The following NCALD variants were observed in gnomAD, a reference collection of about 807,000 sequenced individuals.
NCALD encodes the protein neurocalcin-delta.
Under a neutral mutation model 18.6 loss-of-function variants are expected in NCALD, and 10 were observed. That is an observed-to-expected ratio of 0.54 (90% CI 0.33 to 0.91). The LOEUF is 0.91. Ranked by LOEUF, NCALD falls within the 40% of genes least tolerant of loss-of-function variation. The pLI, the probability that NCALD is intolerant of heterozygous loss-of-function variation, is 0.03. For synonymous variants in NCALD, 88 were observed against 87.4 expected (o/e 1.01, Z -0.04); for missense variants, 184 against 247.6 (o/e 0.74, Z 1.72).
chr8:101,827,742 A>C (rs1196688404), intron 4 of NCALD, among the ~76,000 whole-genome samples: 1 of 152,248 alleles, frequency 6.6e-6, no homozygotes, highest in Non-Finnish European at 1.5e-5. Context: ...TTTCCTTAAA[A>C]TTAGTCTCTA....
At position 101,688,894 on chromosome 8, in the gene NCALD, C is replaced by T. The variant is rs567946139; in HGVS notation, c.*415G>A. On this transcript the variant is annotated 3_prime_UTR_variant, in exon 4 of 4. Coordinates refer to ENST00000220931, the MANE Select transcript of NCALD (RefSeq NM_032041.3). ...GGTGCCATCCATCACCCCTACGGCA[C>T]GTGTGACAACAGATTCAGGTGGGGA... is the stretch of plus-strand genomic sequence containing the variant. The T allele has an allele frequency of 2.9e-5, 18 of 624,738 alleles. No individual in the cohort carries two copies. The highest frequency in any genetic ancestry group is 2.0e-4 in the African/African-American group (11 of 54,616). 38.7% of individuals were successfully genotyped at this position (624,738 alleles called of 1,614,324 possible). A position where few individuals can be genotyped will look rare whatever the true frequency, so the allele number is the denominator to read the frequency against.
chr8:101,782,569 T>TCC (rs1812059204), intron 1 of NCALD, among the ~76,000 whole-genome samples: 1 of 152,192 alleles, frequency 6.6e-6, no homozygotes, highest in Admixed American at 6.6e-5. Context: ...GGACCCACCA[T>TCC]ATAGATTATA....
intron 2 of NCALD, among the ~76,000 whole-genome samples, chr8:101,973,939 T>C (rs779758915): frequency 6.6e-6 from 1 of 152,202 alleles, no homozygotes; most frequent in Non-Finnish European, 1.5e-5. Context: ...ATCAAATGCT[T>C]TTCCTTCTCT....
intron 1 of NCALD, among the ~76,000 whole-genome samples, chr8:102,082,236 T>TTTTTTTTG (rs1824570539): frequency 7.3e-6 from 1 of 136,848 alleles, no homozygotes; most frequent in Non-Finnish European, 1.5e-5. Context: ...CTTTTTTTTT[T>TTTTTTTTG]TTTTTTTTTT....
At chr8:101,952,533 G>A (rs558404883) in intron 2 of NCALD, among the ~76,000 whole-genome samples, 9 of 152,234 alleles carry the variant, frequency 5.9e-5, no homozygotes, top group Non-Finnish European at 1.2e-4. Flanking sequence ...ATCATTTCCA[G>A]TGTTGACACC....
chr8:101,909,806 G>GC (rs953596607), intron 3 of NCALD, among the ~76,000 whole-genome samples: 35 of 150,610 alleles, frequency 2.3e-4, no homozygotes, highest in African/African-American at 7.2e-4. Context: ...TTAATGTAAC[G>GC]CCCCTTAAGG....
intron 1 of NCALD, among the ~76,000 whole-genome samples, chr8:101,765,511 A>T (rs993377391): frequency 6.6e-6 from 1 of 152,216 alleles, no homozygotes; most frequent in African/African-American, 2.4e-5. Flanking sequence ...TTTAAAAAAC[A>T]TGCATAATTA....
At chr8:101,813,411 A>G (rs540677802) in intron 4 of NCALD, among the ~76,000 whole-genome samples, 2 of 152,234 alleles carry the variant, frequency 1.3e-5, no homozygotes, top group East Asian at 1.9e-4. Flanking sequence ...CTGGGCAAAC[A>G]TGGGACAGCT....
chr8:101,731,471 CCT>C (rs1315404850), intron 1 of NCALD, among the ~76,000 whole-genome samples: 1 of 152,096 alleles, frequency 6.6e-6, no homozygotes, highest in African/African-American at 2.4e-5. Context: ...TTACATACCC[CCT>C]AAGATGAGAA....
At chr8:101,957,397 G>A (rs1309612591) in intron 2 of NCALD, among the ~76,000 whole-genome samples, 9 of 147,140 alleles carry the variant, frequency 6.1e-5, no homozygotes, top group Non-Finnish European at 1.0e-4. Flanking sequence ...ATAATACCCA[G>A]GAAATCAAAT....
At chr8:101,814,696 C>T (rs565017608) in intron 4 of NCALD, among the ~76,000 whole-genome samples, 1 of 152,100 alleles carries the variant, frequency 6.6e-6, no homozygotes, top group East Asian at 1.9e-4. Flanking sequence ...GTGACATGAT[C>T]ATCTAGGTAG....
intron 3 of NCALD, among the ~76,000 whole-genome samples, chr8:101,902,091 C>T (rs1049331508): frequency 5.3e-5 from 8 of 152,126 alleles, no homozygotes; most frequent in African/African-American, 1.7e-4. Context: ...ACACCCACTA[C>T]ATTCTTTTCT....
Position 102,103,157 on chromosome 8 carries a change from C to T in NCALD, c.-210+21080G>A, listed in dbSNP as rs540665014. Reference sequence around the variant, plus strand: ...AGGAACCTTGGTGGACTCAGCTCCACGCCAACCTCCCAGCTGTCCCCGTGC... The same window carrying T: ...AGGAACCTTGGTGGACTCAGCTCCATGCCAACCTCCCAGCTGTCCCCGTGC... On this transcript the variant is annotated intron_variant, in intron 1 of 6. Transcript: ENST00000311028. Among the ~76,000 whole-genome samples the T allele has an allele frequency of 4.1e-4, 63 of 152,240 alleles. 1 individual carries two copies. The highest frequency in any genetic ancestry group is 8.1e-4 in the Non-Finnish European group (55 of 68,012).
intron 4 of NCALD, chr8:101,847,325 A>G: frequency 4.0e-6 from 1 of 253,038 alleles, no homozygotes. Context: ...ACGCACATGA[A>G]CACCCAATTA....
intron 1 of NCALD, among the ~76,000 whole-genome samples, chr8:101,731,386 A>G (rs920133446): frequency 2.0e-5 from 3 of 152,048 alleles, no homozygotes; most frequent in Admixed American, 2.0e-4. Flanking sequence ...GACATGAAGA[A>G]CCTCTTTGCA....
intron 1 of NCALD, among the ~76,000 whole-genome samples, chr8:101,779,041 G>A (rs1483885737): frequency 6.6e-6 from 1 of 152,140 alleles, no homozygotes; most frequent in Non-Finnish European, 1.5e-5. Context: ...TGCTTTCCAG[G>A]TTGCTAGAAG....
At chr8:101,906,532 G>T (rs930373008) in intron 3 of NCALD, among the ~76,000 whole-genome samples, 2 of 152,212 alleles carry the variant, frequency 1.3e-5, no homozygotes, top group Non-Finnish European at 2.9e-5. Context: ...AACTTTACCT[G>T]CAAAGCAGCC....
intron 2 of NCALD, among the ~76,000 whole-genome samples, chr8:101,992,158 AG>A (rs753122811): frequency 2.0e-5 from 3 of 152,164 alleles, no homozygotes; most frequent in Non-Finnish European, 4.4e-5. Context: ...CCTTCCCTGA[AG>A]CCAGATGGAT....
chr8:101,926,788 G>A (rs759733022), intron 2 of NCALD, among the ~76,000 whole-genome samples: 2 of 152,210 alleles, frequency 1.3e-5, no homozygotes, highest in Non-Finnish European at 2.9e-5. Context: ...TAGGGTTAGG[G>A]ATAAGGAGGT....
Sources: allele counts gnomAD v4.1 joint callset (sites outside exome capture counted in the v4.1 genomes callset), GRCh38; gene constraint gnomAD v4.1.1; transcripts MANE v1.5; gene names NCBI Gene and HGNC (gene_info 2026-07-23, HGNC 2026-07-21).